The following CAPS2 variants were observed in gnomAD, a reference collection of about 807,000 sequenced individuals.
The protein encoded by CAPS2 is calcyphosine 2.
CAPS2 carries 98 observed loss-of-function variants against 86.5 expected under a neutral mutation model. That is an observed-to-expected ratio of 1.13 (90% confidence interval 0.96 to 1.34). The LOEUF is 1.34. Ranked by LOEUF, CAPS2 falls within the 40% of genes most tolerant of loss-of-function variation. The pLI, the probability that CAPS2 is intolerant of heterozygous loss-of-function variation, is 0.00. For synonymous variants in CAPS2, 210 were observed against 225.1 expected, an observed-to-expected ratio of 0.93 and a Z score of 0.60; for missense variants, 729 against 686.8, an observed-to-expected ratio of 1.06 and a Z score of -0.69.
chr12:75,334,439 C>T, upstream of CAPS2: 1 of 1,198,408 alleles, frequency 8.3e-7, no homozygotes, highest in African/African-American at 1.5e-5. Flanking sequence ...ACGCGCTCTG[C>T]AGATTACAGA....
intron 1 of CAPS2, chr12:75,343,778 A>T (rs752934914): frequency 1.2e-6 from 2 of 1,612,884 alleles, no homozygotes; most frequent in Non-Finnish European, 1.7e-6. Context: ...GATAAATCAT[A>T]TAAATGCTAT....
intron 14 of CAPS2, among the ~76,000 whole-genome samples, chr12:75,288,883 G>GA (rs970802299): frequency 6.6e-6 from 1 of 151,884 alleles, no homozygotes; most frequent in African/African-American, 2.4e-5. Flanking sequence ...AAAGTGGCAT[G>GA]AAAAAAAATA....
intron 6 of CAPS2, 125 bp from the exon 7 acceptor site, chr12:75,313,040 A>C: frequency 1.9e-6 from 1 of 536,560 alleles, no homozygotes; most frequent in East Asian, 3.0e-5. Flanking sequence ...ATGGAAATAG[A>C]TTACTATTAT....
At chr12:75,335,061 A>G (rs1179192535) in intron 1 of CAPS2, among the ~76,000 whole-genome samples, 2 of 152,222 alleles carry the variant, frequency 1.3e-5, no homozygotes, top group Admixed American at 6.5e-5. Context: ...TGTCTCCTCC[A>G]GAGTCATAGG....
chr12:75,373,517 C>T (rs2044486353), intron 1 of CAPS2: 1 of 152,182 alleles, frequency 6.6e-6, no homozygotes. Context: ...TATTATCATA[C>T]ATCTGGCCAT....
chr12:75,384,131 C>T (rs144733876), intron 1 of CAPS2, among the ~76,000 whole-genome samples: 4 of 151,726 alleles, frequency 2.6e-5, no homozygotes, highest in Non-Finnish European at 5.9e-5. Context: ...GCAAATTAAA[C>T]CCAAAGTAAG....
At chr12:75,337,929 T>G (rs1467474265) in intron 1 of CAPS2, among the ~76,000 whole-genome samples, 5 of 152,124 alleles carry the variant, frequency 3.3e-5, no homozygotes, top group Admixed American at 6.5e-5. Context: ...TTAACCAATG[T>G]ATGAATGAGA....
Position 75,390,895 on chromosome 12 carries a change from C to T in CAPS2, c.-452G>A, listed in dbSNP as rs2045559239. ...TCTATTACCAGCTTTCTTCACTCTG[C>T]AGGTCTAGCTTTCCCCTCCTCTCCC... On this transcript the variant is annotated 5_prime_UTR_variant, in exon 1 of 6. Transcript: ENST00000551829. 3 of 702,376 alleles carry T rather than the reference C, an allele frequency of 4.3e-6. No homozygotes were observed. The East Asian group carries it at 8.3e-5, about 19-fold the overall frequency. 43.5% of individuals were successfully genotyped at this position (702,376 alleles called of 1,614,324 possible). A position where few individuals can be genotyped will look rare whatever the true frequency, so the allele number is the denominator to read the frequency against.
At chr12:75,338,326 A>G (rs1430251410) in intron 1 of CAPS2, among the ~76,000 whole-genome samples, 2 of 152,140 alleles carry the variant, frequency 1.3e-5, no homozygotes, top group African/African-American at 4.8e-5. Context: ...AACTGGAAAC[A>G]CCATTAACAG....
intron 5 of CAPS2, among the ~76,000 whole-genome samples, chr12:75,317,756 T>A (rs1341479321): frequency 9.2e-5 from 14 of 152,144 alleles, no homozygotes; most frequent in Admixed American, 9.2e-4. Flanking sequence ...TATGTAATCA[T>A]TATCACAATC....
intron 1 of CAPS2, among the ~76,000 whole-genome samples, chr12:75,382,858 T>C (rs2045076861): frequency 6.6e-6 from 1 of 152,196 alleles, no homozygotes; most frequent in Non-Finnish European, 1.5e-5. Context: ...AGTAGCAGAA[T>C]TTAAATAATT....
intron 11 of CAPS2, among the ~76,000 whole-genome samples, chr12:75,297,229 T>C (rs1335969282): frequency 6.6e-6 from 1 of 152,224 alleles, no homozygotes; most frequent in African/African-American, 2.4e-5. Flanking sequence ...AGCTCAAACT[T>C]TAAACTTGGA....
intron 7 of CAPS2, among the ~76,000 whole-genome samples, chr12:75,310,265 G>A (rs1351005861): frequency 6.6e-6 from 1 of 151,966 alleles, no homozygotes. Context: ...TTTGAGAAAG[G>A]CATCATAAAT....
chr12:75,369,919 T>C, intron 1 of CAPS2: 1 of 1,237,306 alleles, frequency 8.1e-7, no homozygotes. Flanking sequence ...GTTTTCTTGT[T>C]TTATAACATT....
chr12:75,285,921 T>C (rs2034798300), intron 14 of CAPS2, among the ~76,000 whole-genome samples: 1 of 152,014 alleles, frequency 6.6e-6, no homozygotes, highest in Admixed American at 6.6e-5. Flanking sequence ...CACTGAAAGG[T>C]ATAATTTGGA....
At chr12:75,280,905 T>C (rs1324723882) in intron 16 of CAPS2, among the ~76,000 whole-genome samples, 6 of 151,874 alleles carry the variant, frequency 4.0e-5, no homozygotes, top group African/African-American at 1.4e-4. Flanking sequence ...TGTATCTCTT[T>C]TAATAGTAAG....
At chr12:75,285,037 C>T (rs1477933216) in exon 15 of CAPS2, 9 of 1,611,044 alleles carry the variant, frequency 5.6e-6, no homozygotes, top group Non-Finnish European at 7.6e-6. Context: ...ATCAACCTTG[C>T]CATTGCCATT....
chr12:75,347,534 C>T (rs1416299112), intron 1 of CAPS2: 3 of 733,260 alleles, frequency 4.1e-6, no homozygotes, highest in Non-Finnish European at 7.0e-6. Context: ...TTTTTTGTAG[C>T]ATGACAAAGA....
At chr12:75,281,011 T>A (rs1484883348) in intron 16 of CAPS2, among the ~76,000 whole-genome samples, 2 of 151,894 alleles carry the variant, frequency 1.3e-5, no homozygotes, top group Non-Finnish European at 2.9e-5. Flanking sequence ...ATATTGTCAA[T>A]AAATATTCCT....
Sources: allele counts gnomAD v4.1 joint callset (sites outside exome capture counted in the v4.1 genomes callset), GRCh38; gene constraint gnomAD v4.1.1; transcripts MANE v1.5; gene names NCBI Gene and HGNC (gene_info 2026-07-23, HGNC 2026-07-21).